Variants in BRINP1 observed in about 807,000 individuals in gnomAD.
The protein encoded by BRINP1 is BMP/retinoic acid-inducible neural-specific protein 1.
A neutral mutation model predicts 72.9 loss-of-function variants in BRINP1; 17 were observed. That is an observed-to-expected ratio of 0.23 (90% confidence interval 0.16 to 0.35). The LOEUF (loss-of-function observed/expected upper bound fraction) is 0.35. BRINP1 is among the 10% of genes least tolerant of loss of function. The pLI is 1.00. For synonymous variants in BRINP1, 418 were observed against 378.5 expected (o/e 1.10, Z -1.21); for missense variants, 850 against 1,001.6 (o/e 0.85, Z 2.04).
At chr9:119,189,022 T>C (rs1327791278) in intron 7 of BRINP1, among the ~76,000 whole-genome samples, 4 of 151,988 alleles carry the variant, frequency 2.6e-5, no homozygotes, top group Admixed American at 6.6e-5. Context: ...ATAAAACATA[T>C]AAATTGTGGC....
At chr9:119,322,915 A>G (rs1432215935) in intron 1 of BRINP1, among the ~76,000 whole-genome samples, 1 of 152,200 alleles carries the variant, frequency 6.6e-6, no homozygotes, top group Non-Finnish European at 1.5e-5. Context: ...AAATGTAACT[A>G]TTTGTCTTAG....
intron 1 of BRINP1, among the ~76,000 whole-genome samples, chr9:119,320,263 G>A (rs369349525): frequency 5.9e-5 from 9 of 152,184 alleles, no homozygotes; most frequent in African/African-American, 2.2e-4. Flanking sequence ...GCAGCTGATC[G>A]CCCATCTCTC....
At chr9:119,351,396 G>C (rs1831506602) in intron 1 of BRINP1, among the ~76,000 whole-genome samples, 1 of 151,762 alleles carries the variant, frequency 6.6e-6, no homozygotes, top group Admixed American at 6.6e-5. Context: ...TCCTGTAGAA[G>C]AACGTGGAAG....
chr9:119,246,887 C>T (rs1003719693), intron 3 of BRINP1, among the ~76,000 whole-genome samples: 5 of 152,212 alleles, frequency 3.3e-5, no homozygotes, highest in African/African-American at 1.2e-4. Flanking sequence ...GCTGAGGGAA[C>T]ATTTAGGGCC....
intron 1 of BRINP1, among the ~76,000 whole-genome samples, chr9:119,327,551 T>A (rs1831252206): frequency 6.6e-6 from 1 of 152,138 alleles, no homozygotes; most frequent in African/African-American, 2.4e-5. Context: ...GATGAATTAC[T>A]CCAACTGCAG....
Position 119,239,062 on chromosome 9 carries a change from G to A in BRINP1, c.580-302C>T, listed in dbSNP as rs188453350. Among the ~76,000 whole-genome samples, 184 of 152,278 alleles carry A rather than the reference G, an allele frequency of 1.2e-3. 2 individuals carry two copies. The highest frequency in any genetic ancestry group is 1.2e-4 in the Non-Finnish European group (8 of 68,030). On this transcript the variant is annotated intron_variant, in intron 4 of 7. Coordinates refer to ENST00000265922, the MANE Select transcript of BRINP1 (RefSeq NM_014618.3). Reference sequence around the variant, plus strand: ...TGACACATTATATTTCAAAAGCATTGGCTTTGGAATCAGAAAAAATAGTGT... The same window carrying A: ...TGACACATTATATTTCAAAAGCATTAGCTTTGGAATCAGAAAAAATAGTGT...
chr9:119,311,616 G>A (rs1341564089), intron 2 of BRINP1, among the ~76,000 whole-genome samples: 2 of 152,076 alleles, frequency 1.3e-5, no homozygotes, highest in Non-Finnish European at 2.9e-5. Flanking sequence ...GATAAATTAG[G>A]ACAGCAGAAT....
At position 119,293,105 on chromosome 9, in the gene BRINP1, A is replaced by G. The variant is rs1588194229; in HGVS notation, c.218+20033T>C. On this transcript the variant is annotated intron_variant, in intron 2 of 7. Coordinates refer to ENST00000265922, the MANE Select transcript of BRINP1 (RefSeq NM_014618.3). ...GGACTGAAGTTTCCTAAAAGGTGAT[A>G]TGGCTTCTTATGAAAGCCCACATTG... 2.0e-5 allele frequency among the ~76,000 whole-genome samples: 3 copies of G among 152,174 alleles called. No individual in the cohort carries two copies. In the East Asian group the frequency reaches 5.8e-4, roughly 29 times the overall value.
At chr9:119,231,474 A>G (rs892538713) in intron 5 of BRINP1, among the ~76,000 whole-genome samples, 2 of 152,098 alleles carry the variant, frequency 1.3e-5, no homozygotes, top group African/African-American at 4.8e-5. Context: ...AGAAAAGAAA[A>G]ATATCACTTT....
chr9:119,257,581 T>A (rs2118930333), intron 2 of BRINP1, among the ~76,000 whole-genome samples: 1 of 152,310 alleles, frequency 6.6e-6, no homozygotes, highest in Non-Finnish European at 1.5e-5. Context: ...TAACTAATCA[T>A]TTGGAAATGG....
At chr9:119,181,572 A>C (rs1186918976) in intron 7 of BRINP1, among the ~76,000 whole-genome samples, 2 of 152,220 alleles carry the variant, frequency 1.3e-5, no homozygotes, top group Non-Finnish European at 2.9e-5. Context: ...AAAAGAAGTA[A>C]TGACTGACCA....
chr9:119,294,146 T>C (rs1272545477), intron 2 of BRINP1, among the ~76,000 whole-genome samples: 2 of 152,174 alleles, frequency 1.3e-5, no homozygotes, highest in Non-Finnish European at 2.9e-5. Context: ...TTAAAAATTA[T>C]AAAAACAACC....
intron 7 of BRINP1, among the ~76,000 whole-genome samples, chr9:119,180,024 C>G (rs1829534517): frequency 6.6e-6 from 1 of 152,184 alleles, no homozygotes; most frequent in Non-Finnish European, 1.5e-5. Flanking sequence ...AACCCCCTGG[C>G]TGGGGAGCCC....
At chr9:119,356,585 C>G (rs531079029) in intron 1 of BRINP1, among the ~76,000 whole-genome samples, 1 of 152,106 alleles carries the variant, frequency 6.6e-6, no homozygotes, top group South Asian at 2.1e-4. Flanking sequence ...GGTGGATCAC[C>G]TGAGGTCAGG....
intron 1 of BRINP1, among the ~76,000 whole-genome samples, chr9:119,315,281 C>T (rs562292214): frequency 2.9e-4 from 44 of 152,136 alleles, no homozygotes; most frequent in Non-Finnish European, 4.1e-4. Context: ...AATGTGTGCT[C>T]ACTTTGTGTC....
chr9:119,327,750 G>A (rs1831254146), intron 1 of BRINP1, among the ~76,000 whole-genome samples: 1 of 152,120 alleles, frequency 6.6e-6, no homozygotes, highest in Admixed American at 6.6e-5. Flanking sequence ...GTCTGTTTTG[G>A]TAACCAGGTT....
At chr9:119,179,107 C>T (rs1829524493) in intron 7 of BRINP1, among the ~76,000 whole-genome samples, 1 of 152,108 alleles carries the variant, frequency 6.6e-6, no homozygotes, top group Admixed American at 6.5e-5. Flanking sequence ...CTTCCTCAAC[C>T]CCGGCAACAG....
intron 7 of BRINP1, among the ~76,000 whole-genome samples, chr9:119,194,569 C>G (rs1452260398): frequency 6.6e-6 from 1 of 152,194 alleles, no homozygotes; most frequent in Admixed American, 6.5e-5. Flanking sequence ...TTTGGCAGAA[C>G]TTGGAGAAGT....
Position 119,195,908 on chromosome 9 carries a change from G to C in BRINP1, c.1145+12811C>G, listed in dbSNP as rs1436363237. 2.0e-5 allele frequency among the ~76,000 whole-genome samples: 3 copies of C among 152,224 alleles called. No homozygotes were observed. The East Asian group carries it at 5.8e-4, about 29-fold the overall frequency. On this transcript the variant is annotated intron_variant, in intron 7 of 7. Transcript: ENST00000265922. ...ACTTTTTTTTCCAAAGCTGTGTTTT[G>C]AGGAGCCCAATCTCTTGAAAAACTT...
Sources: gnomAD v4.1 joint callset for allele counts (sites outside exome capture counted in the v4.1 genomes callset) on GRCh38, gnomAD v4.1.1 for gene constraint, MANE v1.5 for transcripts, NCBI Gene and HGNC (gene_info 2026-07-23, HGNC 2026-07-21) for gene names.